ANKS1A: variants seen among roughly 807,000 people sequenced by gnomAD.
The protein encoded by ANKS1A is ankyrin repeat and sterile alpha motif domain containing 1A, also known as ankyrin repeat and SAM domain-containing protein 1A.
A neutral mutation model predicts 120.3 loss-of-function variants in ANKS1A; 55 were observed. The observed-to-expected ratio is 0.46, with a 90% confidence interval of 0.37 to 0.57. The LOEUF (loss-of-function observed/expected upper bound fraction) is 0.57. Ranked by LOEUF, ANKS1A falls within the 20% of genes least tolerant of loss-of-function variation. The probability of loss-of-function intolerance (pLI) is 0.00; values close to 1 mark genes in which losing one functional copy is unlikely to be tolerated. For missense variants in ANKS1A, 1,123 were observed against 1,480.3 expected, an observed-to-expected ratio of 0.76 and a Z score of 3.96; for synonymous variants, 590 against 604.7, an observed-to-expected ratio of 0.98 and a Z score of 0.36.
chr6:34,924,313 AGT>A, intron 1 of ANKS1A, among the ~76,000 whole-genome samples: 1 of 152,260 alleles, frequency 6.6e-6, no homozygotes, highest in East Asian at 1.9e-4. Context: ...TATAGCCCTC[AGT>A]TGTCATTATA....
chr6:35,045,502 A>G (rs1394878906), intron 11 of ANKS1A, among the ~76,000 whole-genome samples: 3 of 152,192 alleles, frequency 2.0e-5, no homozygotes, highest in African/African-American at 7.2e-5. Flanking sequence ...TCAAGTTTTT[A>G]ATTCATAAGT....
At chr6:35,034,567 G>T (rs1414295959) in intron 11 of ANKS1A, among the ~76,000 whole-genome samples, 1 of 152,184 alleles carries the variant, frequency 6.6e-6, no homozygotes, top group African/African-American at 2.4e-5. Context: ...ATTTGTGGCT[G>T]TGCCTTTTAG....
At chr6:34,915,808 C>T (rs1034352016) in intron 1 of ANKS1A, among the ~76,000 whole-genome samples, 9 of 152,000 alleles carry the variant, frequency 5.9e-5, no homozygotes, top group African/African-American at 2.2e-4. Context: ...GTTTTTGAAG[C>T]CTTGTTCTCT....
intron 10 of ANKS1A, among the ~76,000 whole-genome samples, chr6:34,998,270 A>G (rs9784889): frequency 0.81 from 123,073 of 152,122 alleles, 50,781 homozygotes; most frequent in Non-Finnish European, 0.9. Context: ...TGAATTAATT[A>G]ATCAGTTTTC....
chr6:35,093,568 A>G (rs1212754424), downstream of ANKS1A, among the ~76,000 whole-genome samples: 1 of 152,216 alleles, frequency 6.6e-6, no homozygotes, highest in Non-Finnish European at 1.5e-5. Context: ...ACAATGGAAA[A>G]CTAACATGTG....
At chr6:34,965,501 G>A (rs1459675645) in intron 1 of ANKS1A, among the ~76,000 whole-genome samples, 1 of 151,848 alleles carries the variant, frequency 6.6e-6, no homozygotes, top group Non-Finnish European at 1.5e-5. Flanking sequence ...ACAGGTGCCC[G>A]CCACCATGCC....
intron 1 of ANKS1A, among the ~76,000 whole-genome samples, chr6:34,893,845 G>T (rs566553214): frequency 6.6e-6 from 1 of 152,058 alleles, no homozygotes; most frequent in East Asian, 1.9e-4. Flanking sequence ...CTGTATCTTT[G>T]TGCTATGATT....
chr6:34,894,295 G>A (rs769282915), intron 1 of ANKS1A, among the ~76,000 whole-genome samples: 9 of 152,166 alleles, frequency 5.9e-5, no homozygotes, highest in Non-Finnish European at 1.3e-4. Context: ...AATATTGTAA[G>A]ATTTGGTTAA....
Position 34,994,352 on chromosome 6 carries a change from C to G in ANKS1A, c.1353C>G (p.Asp451Glu). 6.2e-7 allele frequency: 1 copy of G among 1,613,602 alleles called. No homozygotes were observed. Among genetic ancestry groups the G allele is most frequent in the Non-Finnish European group, 8.5e-7 (1 of 1,179,634 alleles). Residue 451 changes from aspartate to glutamate, a missense_variant, in exon 10 of 24, where the codon GAC becomes GAG. This residue lies in a region of ANKS1A where 904 missense variants were observed against 1,130.4 expected (regional missense o/e 0.80). Transcript: ENST00000360359. The stretch of plus-strand genomic sequence containing the variant: ...ATGGGAGTGCAGCCCGGGAAGAAGA[C>G]GAACACCCTTATGAACTGTTGTTAA... ...RIHGSAAREE[D>E]EHPYELLLTA... is the part of the protein sequence containing the mutation.
At chr6:35,079,153 C>T (rs114275782) in intron 14 of ANKS1A, among the ~76,000 whole-genome samples, 2,655 of 152,328 alleles carry the variant, frequency 0.017, 40 homozygotes, top group African/African-American at 0.044. Flanking sequence ...TCTACCTGTC[C>T]AGAGCTTGGG....
chr6:35,005,731 A>G (rs781690460), intron 10 of ANKS1A: 3 of 450,886 alleles, frequency 6.7e-6, no homozygotes, highest in Non-Finnish European at 1.3e-5. Context: ...AGAAAGAGGA[A>G]AAAACCGCTA....
At chr6:34,983,893 A>G (rs375413460) in intron 7 of ANKS1A, among the ~76,000 whole-genome samples, 4 of 151,312 alleles carry the variant, frequency 2.6e-5, no homozygotes, top group East Asian at 3.9e-4. Flanking sequence ...CCGGGTTCAA[A>G]TGATTCTCCT....
At chr6:34,902,474 C>T (rs140958455) in intron 1 of ANKS1A, among the ~76,000 whole-genome samples, 269 of 152,176 alleles carry the variant, frequency 1.8e-3, no homozygotes, top group African/African-American at 5.9e-3. Context: ...TCTGGGACTC[C>T]TGACCTCAGA....
intron 10 of ANKS1A, among the ~76,000 whole-genome samples, chr6:35,001,944 A>G (rs887906597): frequency 2.6e-5 from 4 of 152,220 alleles, no homozygotes; most frequent in African/African-American, 4.8e-5. Flanking sequence ...CCCCATGTCT[A>G]AGGGCCCTGG....
chr6:34,920,975 T>G (rs770691298), intron 1 of ANKS1A, among the ~76,000 whole-genome samples: 2 of 152,304 alleles, frequency 1.3e-5, no homozygotes, highest in Non-Finnish European at 2.9e-5. Context: ...AGGTACTGAG[T>G]TGGCTATGGT....
chr6:34,970,273 C>T, intron 3 of ANKS1A, 107 bp downstream of exon 3: 1 of 1,276,112 alleles, frequency 7.8e-7, no homozygotes, highest in Non-Finnish European at 1.0e-6. Context: ...CCAGCTCTTC[C>T]TTTTCTTTCT....
At chr6:35,069,579 T>C (rs1003121004) in intron 13 of ANKS1A, among the ~76,000 whole-genome samples, 1 of 151,960 alleles carries the variant, frequency 6.6e-6, no homozygotes, top group African/African-American at 2.4e-5. Context: ...CTCTCTCTGT[T>C]GCCCAGGCTG....
chr6:35,044,566 T>C lies in ANKS1A; in HGVS notation c.2011-9533T>C, dbSNP rs963495207. Among the ~76,000 whole-genome samples, 14 of 152,192 alleles carry C rather than the reference T, an allele frequency of 9.2e-5. No homozygotes were observed. The highest frequency in any genetic ancestry group is 1.9e-4 in the Non-Finnish European group (13 of 68,034). Reference sequence around the variant, plus strand: ...TATTGTCTTGGATCCTCCGGTTTGCTTCGCGCCCCAAGAGCTGCCTTGTAG... The same window carrying C: ...TATTGTCTTGGATCCTCCGGTTTGCCTCGCGCCCCAAGAGCTGCCTTGTAG... On this transcript the variant is annotated intron_variant, in intron 11 of 23. Transcript: ENST00000360359. This position sits in a 1 kb window ranked among gnomAD's most constrained non-coding sequence, Gnocchi z 4.4.
intron 11 of ANKS1A, chr6:35,038,212 G>A (rs1415666153): frequency 8.8e-6 from 4 of 456,670 alleles, no homozygotes; most frequent in Middle Eastern, 6.5e-4. Flanking sequence ...ACTGTCAGAA[G>A]CCCATCAGTC....
Sources: allele counts gnomAD v4.1 joint callset (sites outside exome capture counted in the v4.1 genomes callset), GRCh38; gene constraint gnomAD v4.1.1; regional missense constraint gnomAD v4.1.1; non-coding constraint Gnocchi (gnomAD v3.1); transcripts MANE v1.5; gene names NCBI Gene and HGNC (gene_info 2026-07-23, HGNC 2026-07-21).